The following SLC43A3 variants were observed in gnomAD, a reference collection of about 807,000 sequenced individuals.
SLC43A3 encodes solute carrier family 43 member 3.
Under a neutral mutation model 53.3 loss-of-function variants are expected in SLC43A3, and 33 were observed. That is an observed-to-expected ratio of 0.62 (90% CI 0.47 to 0.83). The LOEUF is 0.83. SLC43A3 is among the 40% of genes least tolerant of loss of function. The pLI is 0.00. For synonymous variants in SLC43A3, 236 were observed against 246.2 expected (o/e 0.96, Z 0.39); for missense variants, 530 against 610.0 (o/e 0.87, Z 1.38).
intron 7 of SLC43A3, among the ~76,000 whole-genome samples, chr11:57,419,961 C>T (rs1317572847): frequency 6.6e-6 from 1 of 152,164 alleles, no homozygotes; most frequent in Admixed American, 6.5e-5. Flanking sequence ...ACCTCCAAAG[C>T]TTATGGGACT....
chr11:57,407,861 T>C lies in SLC43A3; in HGVS notation c.1407A>G (p.Thr469=). The change falls in exon 14 of 14, where the codon ACA becomes ACG. Residue 469 remains threonine (T), a synonymous_variant. Transcript: ENST00000395124. ...NVMFMLAILL[T]FFHPFLVYRE... ...GATATACCAGAAAGGGGTGGAAGAA[T>C]GTCAGAAGAATGGCAAGCATGAACA... 1.9e-6 allele frequency: 3 copies of C among 1,613,810 alleles called. No individual in the cohort carries two copies. The highest frequency in any genetic ancestry group is 1.7e-6 in the Non-Finnish European group (2 of 1,179,700).
chr11:57,415,660 T>C (rs1015096118), intron 9 of SLC43A3, among the ~76,000 whole-genome samples: 2 of 152,172 alleles, frequency 1.3e-5, no homozygotes, highest in African/African-American at 4.8e-5. Flanking sequence ...GCCATGAGTT[T>C]AGATTAGGAT....
intron 4 of SLC43A3, among the ~76,000 whole-genome samples, chr11:57,424,469 G>C (rs1943117318): frequency 1.3e-5 from 2 of 152,200 alleles, no homozygotes; most frequent in South Asian, 4.1e-4. Context: ...CTTGGGCAAG[G>C]CGCTGTCCTT....
At chr11:57,424,331 A>G (rs187263010) in intron 4 of SLC43A3, among the ~76,000 whole-genome samples, 4 of 152,346 alleles carry the variant, frequency 2.6e-5, no homozygotes, top group Admixed American at 2.6e-4. Flanking sequence ...GGACTTAGCC[A>G]GGACAGAATG....
intron 8 of SLC43A3, among the ~76,000 whole-genome samples, chr11:57,417,458 C>T (rs1942771632): frequency 6.6e-6 from 1 of 152,218 alleles, no homozygotes; most frequent in Admixed American, 6.5e-5. Context: ...CTAGCATAGC[C>T]AGCCCCCATG....
rs188327992 is a variant in SLC43A3 at position 57,417,811 on chromosome 11, C to G, written c.608G>C (p.Arg203Pro). ...ISVCSTWHVA[R>P]TFLLMPRGHI... ...CCCCCGGGGCATCAGGAGGAAAGTG[C>G]GTGCTACATGCCAGGTACTGCAGAC... The change falls in exon 8 of 14, where the codon CGC (arginine) becomes CCC (proline). Residue 203 changes from arginine to proline, a missense_variant. Physicochemically the swap from Arg to Pro is moderately radical, Grantham distance 103. This residue lies in a region of SLC43A3 where 376 missense variants were observed against 386.7 expected (regional missense o/e 0.97). Transcript: ENST00000395124. 1 of 1,614,114 alleles carries G rather than the reference C, an allele frequency of 6.2e-7. No homozygotes were observed. Among genetic ancestry groups the G allele is most frequent in the Non-Finnish European group, 8.5e-7 (1 of 1,180,000 alleles).
chr11:57,424,202 C>T (rs1047597945), intron 4 of SLC43A3, 174 bp from the exon 5 acceptor site: 8 of 660,928 alleles, frequency 1.2e-5, no homozygotes, highest in Middle Eastern at 2.5e-4. Context: ...CGCAAGAAGC[C>T]GCGATGAGAT....
At chr11:57,419,011 T>C (rs1942854615) in intron 7 of SLC43A3, among the ~76,000 whole-genome samples, 1 of 152,000 alleles carries the variant, frequency 6.6e-6, no homozygotes, top group Non-Finnish European at 1.5e-5. Flanking sequence ...GTACAAGCCA[T>C]CACCTACTAT....
intron 11 of SLC43A3, 136 bp from the exon 12 acceptor site, chr11:57,410,257 C>T (rs1024834651): frequency 6.4e-5 from 42 of 652,242 alleles, no homozygotes; most frequent in African/African-American, 3.6e-5. Context: ...GAGTCATCCT[C>T]GAATCCTTTC....
intron 4 of SLC43A3, among the ~76,000 whole-genome samples, chr11:57,424,773 G>C (rs1363145993): frequency 6.6e-6 from 1 of 152,214 alleles, no homozygotes; most frequent in Non-Finnish European, 1.5e-5. Flanking sequence ...TACTCTGGCT[G>C]TTTCCGGAAA....
At chr11:57,424,326 T>C (rs1943112177) in intron 4 of SLC43A3, among the ~76,000 whole-genome samples, 1 of 152,312 alleles carries the variant, frequency 6.6e-6, no homozygotes, top group Non-Finnish European at 1.5e-5. Flanking sequence ...GCTTGGGACT[T>C]AGCCAGGACA....
intron 7 of SLC43A3, among the ~76,000 whole-genome samples, chr11:57,420,456 G>A (rs988682105): frequency 3.9e-5 from 6 of 152,088 alleles, no homozygotes; most frequent in African/African-American, 9.7e-5. Context: ...AAAACTGTTC[G>A]CAATGAATAA....
intron 9 of SLC43A3, 25 bp from the exon 10 acceptor site, chr11:57,415,131 C>T (rs754223931): frequency 3.1e-5 from 50 of 1,591,434 alleles, no homozygotes; most frequent in Middle Eastern, 1.7e-4. Flanking sequence ...AGGATCTGGG[C>T]GTGAATTACG....
At position 57,407,665 on chromosome 11, in the gene SLC43A3, TTGTGTGTGTGTGTG is replaced by T; in HGVS notation, c.*113_*126del. ...GCAGACGTCCTTGTGTGTCTTTATT[TTGTGTGTGTGTGTG>T]TGTGTGTGTGTGTTTTGCTGGGATA... On this transcript the variant is annotated 3_prime_UTR_variant, in exon 14 of 14. Transcript: ENST00000395124. 1 of 565,594 alleles carries T rather than the reference TTGTGTGTGTGTGTG, an allele frequency of 1.8e-6. No homozygotes were observed. The highest frequency in any genetic ancestry group is 2.2e-5 in the South Asian group (1 of 44,872). 35.0% of individuals were successfully genotyped at this position (565,594 alleles called of 1,614,324 possible).
intron 9 of SLC43A3, 192 bp from the exon 10 acceptor site, chr11:57,415,298 C>T: frequency 6.5e-7 from 1 of 1,528,156 alleles, no homozygotes; most frequent in Non-Finnish European, 8.8e-7. Context: ...TCATGCTGGC[C>T]CTACCACCTT....
At chr11:57,420,710 G>A (rs551741463) in intron 7 of SLC43A3, among the ~76,000 whole-genome samples, 2 of 152,338 alleles carry the variant, frequency 1.3e-5, no homozygotes, top group South Asian at 2.1e-4. Flanking sequence ...AAAAGCTTGG[G>A]CAAGTCTGAA....
chr11:57,409,460 G>A (rs761181516), intron 12 of SLC43A3, among the ~76,000 whole-genome samples, 162 bp from the exon 13 acceptor site: 2 of 152,148 alleles, frequency 1.3e-5, no homozygotes, highest in Non-Finnish European at 2.9e-5. Flanking sequence ...GCTCTGCTCA[G>A]ACATTTGACC....
In SLC43A3 at chr11:57,407,769, G is replaced by T; in HGVS notation, c.*23C>A. Reference sequence around the variant, plus strand: ...GAAGATGAACAAAACCATCCTCGGGGCTGAAAAGTGAGGGCTTCTGAACTA... The same window carrying T: ...GAAGATGAACAAAACCATCCTCGGGTCTGAAAAGTGAGGGCTTCTGAACTA... On this transcript the variant is annotated 3_prime_UTR_variant, in exon 14 of 14. Transcript: ENST00000395124. 6.7e-7 allele frequency: 1 copy of T among 1,491,936 alleles called. No homozygotes were observed. Among genetic ancestry groups the T allele is most frequent in the Non-Finnish European group, 9.3e-7 (1 of 1,069,946 alleles). The allele number at this position is 1,491,936 out of a possible 1,614,324, so 92.4% of individuals were successfully genotyped here.
At chr11:57,425,406 T>G (rs1220567732) in intron 4 of SLC43A3, 135 bp downstream of exon 4, 7 of 861,572 alleles carry the variant, frequency 8.1e-6, no homozygotes, top group African/African-American at 5.0e-5. Context: ...TCCTAACAGC[T>G]GCTGGGAGCG....
Sources: gnomAD v4.1 joint callset for allele counts (sites outside exome capture counted in the v4.1 genomes callset) on GRCh38, gnomAD v4.1.1 for gene constraint, gnomAD v4.1.1 regional missense constraint, MANE v1.5 for transcripts, NCBI Gene and HGNC (gene_info 2026-07-23, HGNC 2026-07-21) for gene names.